Variants in JMJD1C observed in about 807,000 individuals in gnomAD.
JMJD1C encodes jumonji domain containing 1C, also known as jumonji domain-containing protein 1C.
A neutral mutation model predicts 245.3 loss-of-function variants in JMJD1C; 31 were observed. The observed-to-expected ratio is 0.13, with a 90% CI of 0.09 to 0.17. The LOEUF (loss-of-function observed/expected upper bound fraction) is 0.17. Ranked by LOEUF, JMJD1C falls within the 10% of genes least tolerant of loss-of-function variation. The pLI is 1.00. For missense variants in JMJD1C, 2,691 were observed against 3,000.2 expected (o/e 0.90, Z 2.41); for synonymous variants, 1,057 against 1,017.4 (o/e 1.04, Z -0.74).
At chr10:63,464,741 TTTAA>T (rs1159237845) in intron 1 of JMJD1C, among the ~76,000 whole-genome samples, 12 of 152,090 alleles carry the variant, frequency 7.9e-5, no homozygotes, top group African/African-American at 2.7e-4. Context: ...CATTTAACAT[TTTAA>T]TTGACAACAT....
chr10:63,178,949 T>C (rs959438248), intron 22 of JMJD1C, among the ~76,000 whole-genome samples: 8 of 152,192 alleles, frequency 5.3e-5, no homozygotes, highest in African/African-American at 1.7e-4. Context: ...CATGGATATA[T>C]TGCCTAGCGG....
chr10:63,258,359 C>G lies in JMJD1C; in HGVS notation c.447+6292G>C, dbSNP rs546459857. On this transcript the variant is annotated intron_variant, in intron 3 of 25. Coordinates refer to ENST00000399262, the MANE Select transcript of JMJD1C (RefSeq NM_032776.3). ...ATCTCTAAAAGGTTCTAGTGAAGACCCAATCAATTAGCTGCTTCTGATATT... is the reference window on the plus strand; with the variant it reads ...ATCTCTAAAAGGTTCTAGTGAAGACGCAATCAATTAGCTGCTTCTGATATT... 2.0e-5 allele frequency among the ~76,000 whole-genome samples: 3 copies of G among 152,256 alleles called. No homozygotes were observed. The South Asian group carries it at 6.2e-4, about 32-fold the overall frequency.
At chr10:63,241,379 T>C (rs144285076) in intron 3 of JMJD1C, among the ~76,000 whole-genome samples, 4 of 152,266 alleles carry the variant, frequency 2.6e-5, no homozygotes, top group Non-Finnish European at 5.9e-5. Context: ...TGGCCACAAA[T>C]CGATAATTGT....
intron 2 of JMJD1C, among the ~76,000 whole-genome samples, chr10:63,334,396 A>G (rs1468308989): frequency 1.3e-5 from 2 of 152,172 alleles, no homozygotes; most frequent in East Asian, 3.9e-4. Context: ...CTATACTTCT[A>G]TATGTCAGGA....
chr10:63,393,332 C>T (rs1019626502), intron 1 of JMJD1C, among the ~76,000 whole-genome samples: 2 of 152,042 alleles, frequency 1.3e-5, no homozygotes, highest in Non-Finnish European at 2.9e-5. Flanking sequence ...TATATCTTAA[C>T]CACAACGAGA....
intron 1 of JMJD1C, among the ~76,000 whole-genome samples, chr10:63,516,667 C>T (rs779537361): frequency 1.3e-5 from 2 of 152,178 alleles, no homozygotes; most frequent in East Asian, 1.9e-4. Flanking sequence ...ATAGTTAAGG[C>T]TACTACTGGA....
At chr10:63,458,307 C>T (rs2066038781) in intron 1 of JMJD1C, among the ~76,000 whole-genome samples, 1 of 151,950 alleles carries the variant, frequency 6.6e-6, no homozygotes, top group Non-Finnish European at 1.5e-5. Context: ...GCAACACAGT[C>T]AGACTCCATC....
chr10:63,273,703 C>T (rs1008640507), intron 2 of JMJD1C, among the ~76,000 whole-genome samples: 2 of 152,036 alleles, frequency 1.3e-5, no homozygotes, highest in African/African-American at 4.8e-5. Flanking sequence ...CTAAACCAGG[C>T]TAGGGGAAGA....
chr10:63,444,456 T>C (rs911885328), intron 1 of JMJD1C, among the ~76,000 whole-genome samples: 4 of 151,866 alleles, frequency 2.6e-5, no homozygotes, highest in African/African-American at 9.7e-5. Context: ...GTATTTTTAG[T>C]AGAGACCGGG....
At chr10:63,230,038 C>T (rs1406993001) in intron 3 of JMJD1C, among the ~76,000 whole-genome samples, 1 of 152,118 alleles carries the variant, frequency 6.6e-6, no homozygotes, top group Non-Finnish European at 1.5e-5. Context: ...AGCATGTCCA[C>T]GGGCAAATCA....
At chr10:63,361,292 G>A (rs1034314699) in intron 2 of JMJD1C, among the ~76,000 whole-genome samples, 1 of 152,012 alleles carries the variant, frequency 6.6e-6, no homozygotes, top group Non-Finnish European at 1.5e-5. Flanking sequence ...ACATGGTGGC[G>A]CATGCCCGTA....
At chr10:63,288,723 T>TA (rs1219972098) in intron 2 of JMJD1C, among the ~76,000 whole-genome samples, 1 of 151,796 alleles carries the variant, frequency 6.6e-6, no homozygotes, top group Non-Finnish European at 1.5e-5. Context: ...CTACTAAAAA[T>TA]AAAAAATTAA....
At chr10:63,521,266 A>T (rs964965952) in intron 1 of JMJD1C, 2 of 150,806 alleles carry the variant, frequency 1.3e-5, no homozygotes, top group Admixed American at 6.6e-5. Flanking sequence ...GGCCCGGGCC[A>T]ACGCGCCGCC....
At chr10:63,442,155 C>G (rs377138043) in intron 1 of JMJD1C, among the ~76,000 whole-genome samples, 1 of 152,124 alleles carries the variant, frequency 6.6e-6, no homozygotes, top group African/African-American at 2.4e-5. Context: ...GAAGACTGAT[C>G]TAATCAAGAG....
chr10:63,172,322 C>T (rs1172717825), intron 24 of JMJD1C, among the ~76,000 whole-genome samples: 2 of 151,972 alleles, frequency 1.3e-5, no homozygotes, highest in Non-Finnish European at 2.9e-5. Context: ...TGGAAGTAGC[C>T]AGAGAAAGCA....
intron 24 of JMJD1C, 134 bp downstream of exon 24, chr10:63,176,163 A>G (rs1842843389): frequency 5.8e-6 from 3 of 518,044 alleles, no homozygotes; most frequent in Non-Finnish European, 1.0e-5. Flanking sequence ...TGTCATTCTA[A>G]TAAAGGCAGA....
intron 1 of JMJD1C, among the ~76,000 whole-genome samples, chr10:63,396,761 C>A (rs1948516258): frequency 6.6e-6 from 1 of 150,814 alleles, no homozygotes; most frequent in African/African-American, 2.4e-5. Flanking sequence ...AGGCACAGAG[C>A]ATTAGGTATG....
At chr10:63,310,765 T>A (rs1016162275) in intron 2 of JMJD1C, among the ~76,000 whole-genome samples, 8 of 152,104 alleles carry the variant, frequency 5.3e-5, no homozygotes, top group Non-Finnish European at 7.4e-5. Flanking sequence ...CATTTTTTTT[T>A]AAATACAACT....
chr10:63,204,650 C>T (rs1448895059), intron 10 of JMJD1C: 1 of 985,290 alleles, frequency 1.0e-6, no homozygotes, highest in Admixed American at 6.1e-5. Flanking sequence ...TAAGAAAAAG[C>T]AACACTGTAT....
Sources: allele counts gnomAD v4.1 joint callset (sites outside exome capture counted in the v4.1 genomes callset), GRCh38; gene constraint gnomAD v4.1.1; transcripts MANE v1.5; gene names NCBI Gene and HGNC (gene_info 2026-07-23, HGNC 2026-07-21).